The following HECW1 variants were observed in gnomAD, a reference collection of about 807,000 sequenced individuals.
The protein encoded by HECW1 is HECT, C2 and WW domain containing E3 ubiquitin protein ligase 1.
A neutral mutation model predicts 182.3 loss-of-function variants in HECW1; 61 were observed. The observed-to-expected ratio is 0.33, with a 90% confidence interval of 0.27 to 0.41. HECW1 has a LOEUF of 0.41. Among genes scored for constraint, HECW1 ranks in the 10% least tolerant of loss-of-function variants. The pLI is 1.00. For missense variants in HECW1, 1,739 were observed against 2,108.9 expected (o/e 0.82, Z 3.44); for synonymous variants, 859 against 832.6 (o/e 1.03, Z -0.55).
At chr7:43,315,417 TAAGA>T (rs1430999288) in intron 4 of HECW1, among the ~76,000 whole-genome samples, 1 of 151,920 alleles carries the variant, frequency 6.6e-6, no homozygotes, top group Non-Finnish European at 1.5e-5. Context: ...GGCCTAGTAG[TAAGA>T]AAGACAAGTA....
chr7:43,262,407 G>A (rs1801283338), intron 3 of HECW1, among the ~76,000 whole-genome samples: 1 of 152,100 alleles, frequency 6.6e-6, no homozygotes, highest in Non-Finnish European at 1.5e-5. Flanking sequence ...AGGTATTGAT[G>A]ATATTATTTC....
chr7:43,266,890 A>G (rs981043069), intron 3 of HECW1, among the ~76,000 whole-genome samples: 1 of 152,200 alleles, frequency 6.6e-6, no homozygotes, highest in Non-Finnish European at 1.5e-5. Context: ...TATGAAATCT[A>G]GTGAGATTTG....
At position 43,239,590 on chromosome 7, in the gene HECW1, C is replaced by A. The variant is rs527947452; in HGVS notation, c.-31-4285C>A. Among the ~76,000 whole-genome samples the A allele has an allele frequency of 5.9e-5, 9 of 152,320 alleles. No individual in the cohort carries two copies. In the South Asian group the frequency reaches 1.5e-3, roughly 25 times the overall value. On this transcript the variant is annotated intron_variant, in intron 2 of 29. Transcript: ENST00000395891. ...TTTAAATATCTCTACAGCTTGGCACCTCCTGCTGGAACTCAACAAATCCTA... is the reference window on the plus strand; with the variant it reads ...TTTAAATATCTCTACAGCTTGGCACATCCTGCTGGAACTCAACAAATCCTA...
chr7:43,135,625 A>G (rs931500070), intron 2 of HECW1, among the ~76,000 whole-genome samples: 1 of 151,872 alleles, frequency 6.6e-6, no homozygotes, highest in African/African-American at 2.4e-5. Flanking sequence ...AAGGTAAATT[A>G]TCCATCTACA....
At chr7:43,556,854 C>A (rs1281269131) in intron 29 of HECW1, among the ~76,000 whole-genome samples, 1 of 151,754 alleles carries the variant, frequency 6.6e-6, no homozygotes, top group Non-Finnish European at 1.5e-5. Flanking sequence ...ATTATTAACC[C>A]ACACAGAGAG....
chr7:43,125,902 T>A (rs913949775), intron 2 of HECW1, among the ~76,000 whole-genome samples: 1 of 151,764 alleles, frequency 6.6e-6, no homozygotes, highest in Non-Finnish European at 1.5e-5. Context: ...AGTGAACTCA[T>A]AACTTCCTCA....
intron 16 of HECW1, among the ~76,000 whole-genome samples, chr7:43,469,686 C>A (rs961853772): frequency 2.0e-5 from 3 of 152,140 alleles, no homozygotes; most frequent in African/African-American, 4.8e-5. Flanking sequence ...CTTTAGAAGA[C>A]CAGCTGAGTC....
chr7:43,406,017 A>G (rs1365352149), intron 7 of HECW1, among the ~76,000 whole-genome samples: 1 of 152,048 alleles, frequency 6.6e-6, no homozygotes, highest in Non-Finnish European at 1.5e-5. Flanking sequence ...TCCTCTTCCT[A>G]CTTTATCCAC....
intron 8 of HECW1, among the ~76,000 whole-genome samples, chr7:43,425,335 T>TAGATAGAC (rs1562961721): frequency 6.6e-6 from 1 of 152,054 alleles, no homozygotes; most frequent in African/African-American, 2.4e-5. Context: ...GATAGATAGA[T>TAGATAGAC]AGATAGATGC....
intron 2 of HECW1, among the ~76,000 whole-genome samples, chr7:43,135,800 C>G (rs1787462397): frequency 6.6e-6 from 1 of 152,130 alleles, no homozygotes; most frequent in Admixed American, 6.5e-5. Flanking sequence ...CTCTAATCCC[C>G]TATTTGAGTT....
intron 24 of HECW1, among the ~76,000 whole-genome samples, chr7:43,533,649 G>A (rs932069373): frequency 6.6e-6 from 1 of 152,152 alleles, no homozygotes; most frequent in African/African-American, 2.4e-5. Context: ...ATAGACTAAC[G>A]ACTGCGTGCA....
chr7:43,268,867 G>C (rs1226052249), intron 3 of HECW1, among the ~76,000 whole-genome samples: 1 of 152,082 alleles, frequency 6.6e-6, no homozygotes, highest in East Asian at 1.9e-4. Flanking sequence ...AACCTCCTGG[G>C]CTCAAGTGAT....
chr7:43,444,457 G>A lies in HECW1; in HGVS notation c.1285G>A (p.Gly429Ser). Reference sequence around the variant, plus strand: ...AGTCATCACGGAGGCAGGAGACCAGGGCATGGTCTCTGTGGGACCTGAAGG... The same window carrying A: ...AGTCATCACGGAGGCAGGAGACCAGAGCATGGTCTCTGTGGGACCTGAAGG... The part of the protein sequence containing the change: ...AAVITEAGDQ[G>S]MVSVGPEGAG... The change falls in exon 11 of 30, where the codon GGC becomes AGC. Residue 429 changes from glycine (G) to serine (S), a missense_variant. Physicochemically the swap from Gly to Ser is moderately conservative, Grantham distance 56. Coordinates refer to ENST00000395891, the MANE Select transcript of HECW1 (RefSeq NM_015052.5). This position sits in a 1 kb window ranked among gnomAD's most constrained non-coding sequence, Gnocchi z 4.3. 1 of 1,613,648 alleles carries A rather than the reference G, an allele frequency of 6.2e-7. No homozygotes were observed. Among genetic ancestry groups the A allele is most frequent in the Non-Finnish European group, 8.5e-7 (1 of 1,179,842 alleles).
chr7:43,137,690 C>T (rs1236056513), intron 2 of HECW1, among the ~76,000 whole-genome samples: 2 of 152,056 alleles, frequency 1.3e-5, no homozygotes, highest in Non-Finnish European at 2.9e-5. Context: ...GCTAGAACTA[C>T]AGGCATGTGC....
At chr7:43,264,094 G>A (rs756127163) in intron 3 of HECW1, among the ~76,000 whole-genome samples, 16 of 152,164 alleles carry the variant, frequency 1.1e-4, no homozygotes, top group Non-Finnish European at 2.1e-4. Context: ...TTTTTGTGGT[G>A]AGAACATTTA....
rs148321563 is a variant in HECW1 at position 43,191,079 on chromosome 7, C to T, written c.-31-52796C>T. ...TAAGATGCTTGAATCCCACAGTTTA[C>T]TAAATCAATATAAAATGCAAACAGT... is the stretch of plus-strand genomic sequence containing the variant. On this transcript the variant is annotated intron_variant, in intron 2 of 29. Coordinates refer to ENST00000395891, the MANE Select transcript of HECW1 (RefSeq NM_015052.5). Among the ~76,000 whole-genome samples, 5 of 152,278 alleles carry T rather than the reference C, an allele frequency of 3.3e-5. No homozygotes were observed. In the South Asian group the frequency reaches 8.3e-4, roughly 25 times the overall value.
intron 6 of HECW1, among the ~76,000 whole-genome samples, chr7:43,391,486 G>A (rs1245964101): frequency 6.6e-6 from 1 of 152,212 alleles, no homozygotes; most frequent in Non-Finnish European, 1.5e-5. Flanking sequence ...TTCTTAAACA[G>A]TTAAAATAGT....
At chr7:43,476,801 T>C (rs774416877) in intron 16 of HECW1, among the ~76,000 whole-genome samples, 1 of 152,138 alleles carries the variant, frequency 6.6e-6, no homozygotes, top group Non-Finnish European at 1.5e-5. Context: ...AAAGATTTAG[T>C]GTTAACGATT....
In HECW1 at chr7:43,135,276, C is replaced by T. The variant is rs1043793476; in HGVS notation, c.-32+20885C>T. ...AATTTGGAAGCTGCCAGGTGGAGCT[C>T]CTGAGAATGCTCTTTAAGGGGAGAT... On this transcript the variant is annotated intron_variant, in intron 2 of 29. Coordinates refer to ENST00000395891, the MANE Select transcript of HECW1 (RefSeq NM_015052.5). Among the ~76,000 whole-genome samples, 31 of 152,060 alleles carry T rather than the reference C, an allele frequency of 2.0e-4. 2 individuals are homozygous for T.
Sources: gnomAD v4.1 joint callset for allele counts (sites outside exome capture counted in the v4.1 genomes callset) on GRCh38, gnomAD v4.1.1 for gene constraint, Gnocchi (gnomAD v3.1) non-coding constraint, MANE v1.5 for transcripts, NCBI Gene and HGNC (gene_info 2026-07-23, HGNC 2026-07-21) for gene names.